Variants in KLRG1 observed in about 807,000 individuals in gnomAD.
KLRG1 encodes the protein killer cell lectin like receptor G1, also known as killer cell lectin-like receptor subfamily G member 1.
KLRG1 carries 16 observed loss-of-function variants against 21.8 expected under a neutral mutation model. That is an observed-to-expected ratio of 0.73 (90% CI 0.50 to 1.11). The LOEUF (loss-of-function observed/expected upper bound fraction) is 1.11, where lower values mean the gene tolerates loss of function less well. Ranked by LOEUF, KLRG1 falls within the 50% of genes most tolerant of loss-of-function variation. The pLI is 0.00. For missense variants in KLRG1, 173 were observed against 218.3 expected (o/e 0.79, Z 1.31); for synonymous variants, 69 against 75.9 (o/e 0.91, Z 0.47).
chr12:9,081,554 C>G, the KLRG1 span, among the ~76,000 whole-genome samples: 1 of 152,170 alleles, frequency 6.6e-6, no homozygotes, highest in Non-Finnish European at 1.5e-5. Context: ...TACTTGGAAA[C>G]AAGTCTAGGA....
At chr12:9,096,448 G>A in the KLRG1 span, among the ~76,000 whole-genome samples, 1 of 152,240 alleles carries the variant, frequency 6.6e-6, no homozygotes, top group African/African-American at 2.4e-5. Context: ...GTTAATGGGT[G>A]CATGTTCTAA....
the KLRG1 span, among the ~76,000 whole-genome samples, chr12:9,166,718 T>G: frequency 6.6e-6 from 1 of 152,234 alleles, no homozygotes; most frequent in African/African-American, 2.4e-5. Flanking sequence ...GAAATAAGAT[T>G]AGAGCATTAG....
rs1222765670 is a variant in KLRG1, at chr12:8,967,013, T to G, written c.-156+16777T>G. Among the ~76,000 whole-genome samples, 195 of 144,564 alleles carry G rather than the reference T, an allele frequency of 1.3e-3. 1 individual carries two copies. Among genetic ancestry groups the G allele is most frequent in the African/African-American group, 4.7e-3 (183 of 39,274 alleles). 94.8% of individuals were successfully genotyped at this position (144,564 alleles called of 152,430 possible). ...TGGAATACTATGCAGCCATAAAAAA[T>G]GATGAGTTCATGTCCTTTGTAGGGA... On this transcript the variant is annotated intron_variant, in intron 1 of 4. Coordinates refer to the KLRG1 transcript ENST00000539240.
the KLRG1 span, chr12:9,202,778 T>C: frequency 1.6e-6 from 2 of 1,224,376 alleles, no homozygotes; most frequent in Non-Finnish European, 2.3e-6. Flanking sequence ...CTCCTTCAGC[T>C]TCACCAAGGA....
chr12:9,137,569 A>G, the KLRG1 span, among the ~76,000 whole-genome samples: 1 of 151,980 alleles, frequency 6.6e-6, no homozygotes, highest in African/African-American at 2.4e-5. Context: ...AACAATACCA[A>G]TGTGATTTTG....
chr12:9,103,425 C>A, the KLRG1 span, among the ~76,000 whole-genome samples: 132 of 152,268 alleles, frequency 8.7e-4, no homozygotes, highest in African/African-American at 3.1e-3. Flanking sequence ...TAAACACACA[C>A]ACACACACAA....
chr12:8,983,799 G>C (rs1488045052), intron 1 of KLRG1, among the ~76,000 whole-genome samples: 1 of 151,986 alleles, frequency 6.6e-6, no homozygotes, highest in Non-Finnish European at 1.5e-5. Flanking sequence ...CATTATTAAT[G>C]TGTTATTTAT....
chr12:9,069,694 T>C, the KLRG1 span: 1 of 1,448,638 alleles, frequency 6.9e-7, no homozygotes, highest in East Asian at 2.3e-5. Context: ...GATGTTCCCT[T>C]AGAGGATTAT....
At chr12:9,181,924 C>G in the KLRG1 span, 2 of 1,577,636 alleles carry the variant, frequency 1.3e-6, no homozygotes, top group African/African-American at 2.7e-5. Flanking sequence ...ATAGATGGCA[C>G]CTACAGTATC....
chr12:9,080,598 C>CCA, the KLRG1 span, among the ~76,000 whole-genome samples: 1 of 152,184 alleles, frequency 6.6e-6, no homozygotes, highest in African/African-American at 2.4e-5. Flanking sequence ...GTAAAATTAC[C>CCA]CACAAAAGGT....
the KLRG1 span, among the ~76,000 whole-genome samples, chr12:9,089,529 CCAGGA>C: frequency 2.0e-4 from 30 of 152,180 alleles, no homozygotes; most frequent in Non-Finnish European, 3.4e-4. Context: ...TCACTTGAGG[CCAGGA>C]GTTCGAGACC....
the KLRG1 span, chr12:9,066,869 C>G: frequency 3.9e-5 from 6 of 152,338 alleles, no homozygotes; most frequent in African/African-American, 1.2e-4. Context: ...AGGACTCCTA[C>G]GATTGTCCTC....
the KLRG1 span, among the ~76,000 whole-genome samples, chr12:9,163,111 A>T: frequency 6.6e-6 from 1 of 151,596 alleles, no homozygotes; most frequent in South Asian, 2.1e-4. Flanking sequence ...GGAAGAGATA[A>T]TAAGGGCAGT....
chr12:9,186,589 A>T, the KLRG1 span, among the ~76,000 whole-genome samples: 1 of 152,192 alleles, frequency 6.6e-6, no homozygotes, highest in African/African-American at 2.4e-5. Context: ...AATAGAAAAA[A>T]GCAGGGGTTG....
the KLRG1 span, among the ~76,000 whole-genome samples, chr12:9,187,107 C>A: frequency 1.4e-5 from 2 of 143,320 alleles, no homozygotes; most frequent in African/African-American, 2.6e-5. Flanking sequence ...AAGAGAATTG[C>A]ATAATGGTAA....
the KLRG1 span, among the ~76,000 whole-genome samples, chr12:9,031,644 T>G: frequency 7.7e-4 from 118 of 152,332 alleles, 1 homozygote; most frequent in East Asian, 0.021. Context: ...GACGCAGCCC[T>G]CAGGAGGTCC....
At chr12:9,194,407 A>G in the KLRG1 span, among the ~76,000 whole-genome samples, 1 of 151,172 alleles carries the variant, frequency 6.6e-6, no homozygotes. Flanking sequence ...TTGGATCCTC[A>G]TGTCCTACAT....
chr12:9,180,324 A>C, the KLRG1 span, among the ~76,000 whole-genome samples: 2 of 152,112 alleles, frequency 1.3e-5, no homozygotes, highest in Non-Finnish European at 2.9e-5. Flanking sequence ...GGAACCAAAA[A>C]AGAGCCCGCA....
chr12:9,062,561 TTA>T, the KLRG1 span, among the ~76,000 whole-genome samples: 17 of 146,212 alleles, frequency 1.2e-4, no homozygotes, highest in Admixed American at 1.2e-3. Context: ...TATTATACAT[TTA>T]TATATTATAC....
Sources: gnomAD v4.1 joint callset for allele counts (sites outside exome capture counted in the v4.1 genomes callset) on GRCh38, gnomAD v4.1.1 for gene constraint, MANE v1.5 for transcripts, NCBI Gene and HGNC (gene_info 2026-07-23, HGNC 2026-07-21) for gene names.